Variants in NUDT1 observed in about 807,000 individuals in gnomAD.
NUDT1 encodes nudix hydrolase 1, also known as oxidized purine nucleoside triphosphate hydrolase.
NUDT1 carries 16 observed loss-of-function variants against 11.3 expected under a neutral mutation model. The ratio of observed to expected loss-of-function variants is 1.41; its 90% confidence interval spans 0.96 to 2.15. The LOEUF is 2.15. Ranked by LOEUF, NUDT1 falls within the 30% of genes most tolerant of loss-of-function variation. The pLI is 0.00. For missense variants in NUDT1, 234 were observed against 208.4 expected, an observed-to-expected ratio of 1.12 and a Z score of -0.76; for synonymous variants, 101 against 84.4, an observed-to-expected ratio of 1.20 and a Z score of -1.08.
At chr7:2,244,233 T>A (rs900031024) in intron 1 of NUDT1, among the ~76,000 whole-genome samples, 1 of 152,000 alleles carries the variant, frequency 6.6e-6, no homozygotes, top group South Asian at 2.1e-4. Context: ...TTCCTGGGGG[T>A]AGACGCAGGA....
At chr7:2,245,594 T>C (rs1794739118) in intron 2 of NUDT1, among the ~76,000 whole-genome samples, 1 of 152,160 alleles carries the variant, frequency 6.6e-6, no homozygotes, top group Non-Finnish European at 1.5e-5. Context: ...TCTTTTTTTC[T>C]CCAGAGGTGG....
At chr7:2,250,662 G>C (rs901683598) in intron 3 of NUDT1, among the ~76,000 whole-genome samples, 167 bp from the exon 4 acceptor site, 4 of 127,726 alleles carry the variant, frequency 3.1e-5, no homozygotes, top group Non-Finnish European at 7.0e-5. Context: ...GTTTCACCGT[G>C]TTAGCCAGGA....
intron 1 of NUDT1, chr7:2,242,725 C>T (rs1794597810): frequency 2.2e-6 from 1 of 458,258 alleles, no homozygotes. Flanking sequence ...TCTCAAGCCT[C>T]TAGGGGAACA....
intron 2 of NUDT1, among the ~76,000 whole-genome samples, chr7:2,245,033 CTG>C (rs1484723116): frequency 3.3e-5 from 5 of 152,190 alleles, no homozygotes; most frequent in African/African-American, 9.7e-5. Context: ...CTGGAAGCCT[CTG>C]TGCAGCAGCT....
intron 3 of NUDT1, 144 bp downstream of exon 3, chr7:2,250,146 GC>G: frequency 1.8e-6 from 2 of 1,091,918 alleles, no homozygotes; most frequent in Non-Finnish European, 2.6e-6. Context: ...CCAGCGTGGG[GC>G]CCATGAGCCG....
chr7:2,245,550 C>T lies in NUDT1; in HGVS notation c.152+824C>T, dbSNP rs1794736673. On this transcript the variant is annotated intron_variant, in intron 2 of 3. Coordinates refer to ENST00000356714, the MANE Select transcript of NUDT1 (RefSeq NM_002452.4). ...TAAGTTGCAGTAGCCGCCCTTATTACATAAAAGGGGGCTCTACTTTTCCGA... is the reference window on the plus strand; with the variant it reads ...TAAGTTGCAGTAGCCGCCCTTATTATATAAAAGGGGGCTCTACTTTTCCGA... 3.9e-5 allele frequency among the ~76,000 whole-genome samples: 6 copies of T among 152,294 alleles called. 1 individual carries two copies. In the South Asian group the frequency reaches 1.2e-3, roughly 32 times the overall value.
intron 1 of NUDT1, 153 bp downstream of exon 1, chr7:2,242,409 G>A: frequency 2.0e-6 from 1 of 506,664 alleles, no homozygotes; most frequent in Non-Finnish European, 3.5e-6. Flanking sequence ...AGGGTCGGGG[G>A]CTCGAGGGAG....
At chr7:2,242,934 C>A in intron 1 of NUDT1, 2 of 712,408 alleles carry the variant, frequency 2.8e-6, no homozygotes, top group Non-Finnish European at 5.2e-6. Context: ...GGTTTCTTGC[C>A]TTGATGTACT....
intron 1 of NUDT1, 39 bp from the exon 2 acceptor site, chr7:2,244,524 C>G (rs1411220466): frequency 6.7e-7 from 1 of 1,495,866 alleles, no homozygotes; most frequent in Admixed American, 2.3e-5. Flanking sequence ...TTCCTCCACG[C>G]ACGTCATGGC....
At chr7:2,250,249 C>T (rs34656400) in intron 3 of NUDT1, among the ~76,000 whole-genome samples, 2 of 152,150 alleles carry the variant, frequency 1.3e-5, no homozygotes, top group Admixed American at 6.5e-5. Context: ...GAAATATAAA[C>T]GATCGTCAGG....
rs567724444 is a variant in NUDT1 at position 2,250,850 on chromosome 7, A to G, written c.320A>G (p.Gln107Arg). 217 of 1,614,196 alleles carry G rather than the reference A, an allele frequency of 1.3e-4. 4 individuals carry two copies. The South Asian group carries it at 2.3e-3, about 17-fold the overall frequency. ...ACAGAAATGCGCCCATGCTGGTTCCAGCTGGATCAGATCCCCTTCAAGGAC... is the reference window on the plus strand; with the variant it reads ...ACAGAAATGCGCCCATGCTGGTTCCGGCTGGATCAGATCCCCTTCAAGGAC... ...ESDEMRPCWFQLDQIPFKDMW... is the reference protein window; with the variant it reads ...ESDEMRPCWFRLDQIPFKDMW... The change falls in exon 4 of 4, where the codon CAG (glutamine) becomes CGG (arginine). Residue 107 changes from glutamine to arginine, a missense_variant. Physicochemically the swap from Gln to Arg is conservative, Grantham distance 43 (BLOSUM62 1). Coordinates refer to ENST00000356714, the MANE Select transcript of NUDT1 (RefSeq NM_002452.4).
At chr7:2,247,715 C>T (rs527371368) in intron 2 of NUDT1, among the ~76,000 whole-genome samples, 2 of 152,348 alleles carry the variant, frequency 1.3e-5, no homozygotes, top group African/African-American at 2.4e-5. Context: ...GCCTGCCTGG[C>T]GCTCCCTGCC....
chr7:2,244,451 T>TGGGCCCCCCC, intron 1 of NUDT1, 112 bp from the exon 2 acceptor site: 1 of 981,622 alleles, frequency 1.0e-6, no homozygotes, highest in Non-Finnish European at 1.5e-6. Context: ...AGTTACAGCA[T>TGGGCCCCCCC]ACCCCCCCGC....
In NUDT1 at chr7:2,250,817, C is replaced by T; in HGVS notation, c.299-12C>T. On this transcript the variant is annotated splice_polypyrimidine_tract_variant and intron_variant, in intron 3 of 3. Transcript: ENST00000356714. The stretch of plus-strand genomic sequence containing the variant: ...TTGCACCTCAGTGCCTCCTCTTCCC[C>T]CATTGGTACAGAAATGCGCCCATGC... 6.2e-7 allele frequency: 1 copy of T among 1,614,026 alleles called. No homozygotes were observed. Among genetic ancestry groups the T allele is most frequent in the African/African-American group, 1.3e-5 (1 of 75,048 alleles).
In NUDT1 at chr7:2,249,898, A is replaced by G. The variant is rs901988809; in HGVS notation, c.194A>G (p.His65Arg). Residue 65 changes from histidine (H) to arginine (R), a missense_variant, in exon 3 of 4, where the codon CAC becomes CGC. Coordinates refer to ENST00000356714, the MANE Select transcript of NUDT1 (RefSeq NM_002452.4). ...EESGLTVDAL[H>R]KVGQIVFEFV... is the part of the protein sequence containing the mutation. ...AGCGGTCTGACAGTGGACGCCCTGC[A>G]CAAGGTGGGCCAGATCGTGTTTGAG... 1.2e-6 allele frequency: 2 copies of G among 1,614,170 alleles called. No homozygotes were observed. The highest frequency in any genetic ancestry group is 1.7e-6 in the Non-Finnish European group (2 of 1,180,032).
intron 3 of NUDT1, 72 bp downstream of exon 3, chr7:2,250,074 C>T (rs774506777): frequency 1.2e-4 from 183 of 1,586,966 alleles, no homozygotes; most frequent in Non-Finnish European, 1.5e-4. Context: ...AAAGGCCATC[C>T]GCCCAAACCA....
intron 3 of NUDT1, among the ~76,000 whole-genome samples, chr7:2,250,320 G>A (rs1188821561): frequency 3.3e-5 from 5 of 152,238 alleles, no homozygotes; most frequent in South Asian, 4.1e-4. Flanking sequence ...CTGGCCAGAC[G>A]CAGTGGCTCA....
At chr7:2,249,606 C>A in intron 2 of NUDT1, 1 of 550,948 alleles carries the variant, frequency 1.8e-6, no homozygotes. Flanking sequence ...CCACCAGAGG[C>A]TCCACACCAT....
chr7:2,243,548 G>A (rs1356363385), intron 1 of NUDT1, among the ~76,000 whole-genome samples: 1 of 152,102 alleles, frequency 6.6e-6, no homozygotes, highest in Non-Finnish European at 1.5e-5. Flanking sequence ...TGAGGTGGGT[G>A]GATCGCTTGA....
Sources: allele counts gnomAD v4.1 joint callset (sites outside exome capture counted in the v4.1 genomes callset), GRCh38; gene constraint gnomAD v4.1.1; transcripts MANE v1.5; gene names NCBI Gene and HGNC (gene_info 2026-07-23, HGNC 2026-07-21).